The following PTGES2 variants were observed in gnomAD, a reference collection of about 807,000 sequenced individuals.
PTGES2 encodes the protein GATE-binding factor 1.
A neutral mutation model predicts 44.5 loss-of-function variants in PTGES2; 35 were observed. That is an observed-to-expected ratio of 0.79 (90% confidence interval 0.60 to 1.04). The LOEUF (loss-of-function observed/expected upper bound fraction) is 1.04, where lower values mean the gene tolerates loss of function less well. Ranked by LOEUF, PTGES2 falls within the 50% of genes least tolerant of loss-of-function variation. The pLI is 0.00. For synonymous variants in PTGES2, 221 were observed against 227.5 expected, an observed-to-expected ratio of 0.97 and a Z score of 0.26; for missense variants, 517 against 521.4, an observed-to-expected ratio of 0.99 and a Z score of 0.08.
At chr9:128,124,764 C>A in intron 2 of PTGES2, 1 of 1,337,304 alleles carries the variant, frequency 7.5e-7, no homozygotes, top group Non-Finnish European at 9.6e-7. Context: ...GGGGTCTAAG[C>A]CCCAGCCCAC....
chr9:128,121,384 C>T (rs533441336), intron 6 of PTGES2, 111 bp from the exon 7 acceptor site: 19 of 1,384,646 alleles, frequency 1.4e-5, no homozygotes, highest in African/African-American at 4.3e-5. Flanking sequence ...CCTTGGAGCT[C>T]GTGACCCACT....
chr9:128,122,830 G>A, intron 5 of PTGES2, 104 bp downstream of exon 5: 1 of 1,247,658 alleles, frequency 8.0e-7, no homozygotes, highest in South Asian at 1.3e-5. Flanking sequence ...CCTGCCCTAG[G>A]CCTCGGCCTC....
Position 128,121,158 on chromosome 9 carries a change from G to T in PTGES2, c.1121C>A (p.Ser374Tyr). Reference sequence around the variant, plus strand: ...GCGCGGGGACATTCAGTGCGCTGGGGAGGCCTCGGTGATGGCCCTCTCCAC... The same window carrying T: ...GCGCGGGGACATTCAGTGCGCTGGGTAGGCCTCGGTGATGGCCCTCTCCAC... Reference protein sequence around the residue: ...LRVERAITEASPAH With the variant: ...LRVERAITEAYPAH The change falls in exon 7 of 7, where the codon TCC (serine) becomes TAC (tyrosine). Residue 374 changes from serine to tyrosine, a missense_variant. Coordinates refer to ENST00000338961, the MANE Select transcript of PTGES2 (RefSeq NM_025072.7). The T allele has an allele frequency of 3.1e-6, 5 of 1,588,336 alleles. No individual in the cohort carries two copies. Among genetic ancestry groups the T allele is most frequent in the Non-Finnish European group, 4.3e-6 (5 of 1,167,630 alleles).
chr9:128,123,790 T>C lies in PTGES2; in HGVS notation c.598A>G (p.Lys200Glu), dbSNP rs1184416124. ...TTATTGCCGAACTCGGTCACCTCCT[T>C]GCCCTGCTCGTTCACAGCCTTCATG... ...PAMKAVNEQGKEVTEFGNKYW... is the reference protein window; with the variant it reads ...PAMKAVNEQGEEVTEFGNKYW... The change falls in exon 4 of 7, where the codon AAG becomes GAG. Residue 200 changes from lysine to glutamate, a missense_variant. Coordinates refer to ENST00000338961, the MANE Select transcript of PTGES2 (RefSeq NM_025072.7). The surrounding 1 kb of genome is among the most constrained non-coding windows in gnomAD (Gnocchi z 4.4). 4 of 1,614,162 alleles carry C rather than the reference T, an allele frequency of 2.5e-6. No individual in the cohort carries two copies. The highest frequency in any genetic ancestry group is 2.2e-5 in the East Asian group (1 of 44,864).
Position 128,124,515 on chromosome 9 carries a change from G to A in PTGES2, c.513C>T (p.Ala171=), listed in dbSNP as rs142864377. 5 of 1,613,848 alleles carry A rather than the reference G, an allele frequency of 3.1e-6. No homozygotes were observed. The highest frequency in any genetic ancestry group is 1.7e-5 in the Admixed American group (1 of 60,012). ...QLNDSSVIIS[A]LKTYLVSGQP... ...ACCCCGACACCAGGTAGGTCTTGAG[G>A]GCGCTGATGATGACAGAGGAGTCAT... is the stretch of plus-strand genomic sequence containing the variant. The change falls in exon 3 of 7, where the codon GCC becomes GCT. Residue 171 remains alanine, a synonymous_variant. Transcript: ENST00000338961.
At chr9:128,122,086 G>C (rs1449029067) in intron 6 of PTGES2, among the ~76,000 whole-genome samples, 1 of 152,186 alleles carries the variant, frequency 6.6e-6, no homozygotes, top group Non-Finnish European at 1.5e-5. Context: ...GCGACAGGTA[G>C]AGCTTGGGCT....
At position 128,123,858 on chromosome 9, in the gene PTGES2, A is replaced by C. The variant is rs1194918948; in HGVS notation, c.537-7T>G. ...GATCTCTTCCAGGGGCTGCCTTCGG[A>C]GAGAGCCACAATATCACCCCAACTC... On this transcript the variant is annotated splice_region_variant and splice_polypyrimidine_tract_variant and intron_variant, in intron 3 of 6. Transcript: ENST00000338961. The surrounding 1 kb of genome is among the most constrained non-coding windows in gnomAD (Gnocchi z 4.4). 1 of 1,611,856 alleles carries C rather than the reference A, an allele frequency of 6.2e-7. No individual in the cohort carries two copies. Among genetic ancestry groups the C allele is most frequent in the Admixed American group, 1.7e-5 (1 of 59,950 alleles).
chr9:128,121,291 A>T lies in PTGES2; in HGVS notation c.1006-18T>A. ...TACACCGCCTGGGGCACGAACAGAA[A>T]CGTGTCACCATAGCTGGTTTGACAG... On this transcript the variant is annotated intron_variant, in intron 6 of 6. Transcript: ENST00000338961. The T allele has an allele frequency of 1.2e-6, 2 of 1,600,234 alleles. No individual in the cohort carries two copies. The highest frequency in any genetic ancestry group is 1.7e-6 in the Non-Finnish European group (2 of 1,170,242).
At chr9:128,122,611 A>G in intron 5 of PTGES2, 132 bp from the exon 6 acceptor site, 1 of 741,116 alleles carries the variant, frequency 1.3e-6, no homozygotes, top group Middle Eastern at 2.9e-4. Flanking sequence ...TCACATCTGC[A>G]GACGCCTCAG....
chr9:128,128,367 C>T (rs1358818664), upstream of PTGES2: 1 of 456,244 alleles, frequency 2.2e-6, no homozygotes, highest in African/African-American at 2.0e-5. Context: ...CTCGGTCCTT[C>T]TGCTGGGCTC....
rs1037608160 is a variant in PTGES2 at position 128,124,232 on chromosome 9, C to A, written c.536+260G>T. 5.1e-5 allele frequency: 20 copies of A among 390,488 alleles called. 1 individual carries two copies. The highest frequency in any genetic ancestry group is 8.6e-5 in the Non-Finnish European group (18 of 208,752). 24.2% of individuals were successfully genotyped at this position (390,488 alleles called of 1,614,324 possible). ...CTGAGTAGCTGGGACTACAGGCACT[C>A]GCCACTATGCCTGGCTAATTTTTGT... is the stretch of plus-strand genomic sequence containing the variant. On this transcript the variant is annotated intron_variant, in intron 3 of 6. Coordinates refer to ENST00000338961, the MANE Select transcript of PTGES2 (RefSeq NM_025072.7).
chr9:128,123,569 C>T lies in PTGES2; in HGVS notation c.686+133G>A, dbSNP rs959183052. The T allele has an allele frequency of 3.0e-5, 28 of 938,392 alleles. No homozygotes were observed. Among genetic ancestry groups the T allele is most frequent in the South Asian group, 2.4e-4 (14 of 58,554 alleles). The allele number at this position is 938,392 out of a possible 1,614,324, so 58.1% of individuals were successfully genotyped here. On this transcript the variant is annotated intron_variant, in intron 4 of 6. Transcript: ENST00000338961. The surrounding 1 kb of genome is among the most constrained non-coding windows in gnomAD (Gnocchi z 4.4). Reference sequence around the variant, plus strand: ...CTGCAGGAAGGTCTCTACTGAAATCCGGCATGGCCCGGCCCCAGCCCCGCT... The same window carrying T: ...CTGCAGGAAGGTCTCTACTGAAATCTGGCATGGCCCGGCCCCAGCCCCGCT...
rs1357836994 is a variant in PTGES2, at chr9:128,124,003, C to T, written c.537-152G>A. 15 of 847,170 alleles carry T rather than the reference C, an allele frequency of 1.8e-5. No individual in the cohort carries two copies. In the Admixed American group the frequency reaches 2.9e-4, roughly 16 times the overall value. The allele number at this position is 847,170 out of a possible 1,614,324, so 52.5% of individuals were successfully genotyped here. A position where few individuals can be genotyped will look rare whatever the true frequency, so the allele number is the denominator to read the frequency against. ...GAGGGATTTGGAGTAGATGCCAGGG[C>T]TACCTCCCCAAGAGAGGGAGGTGTG... is the stretch of plus-strand genomic sequence containing the variant. On this transcript the variant is annotated intron_variant, in intron 3 of 6. Coordinates refer to ENST00000338961, the MANE Select transcript of PTGES2 (RefSeq NM_025072.7).
chr9:128,127,728 C>A lies in PTGES2; in HGVS notation c.-11G>T. ...CGCAGCCGGGTCCATGTTCGCTCCG[C>A]CGGCGCCGCGGGCGGGCGCGCGAAA... On this transcript the variant is annotated 5_prime_UTR_variant, in exon 1 of 7. Coordinates refer to ENST00000338961, the MANE Select transcript of PTGES2 (RefSeq NM_025072.7). The A allele has an allele frequency of 8.0e-7, 1 of 1,255,640 alleles. No homozygotes were observed. The highest frequency in any genetic ancestry group is 1.0e-6 in the Non-Finnish European group (1 of 1,000,860). The allele number at this position is 1,255,640 out of a possible 1,614,324, so 77.8% of individuals were successfully genotyped here.
chr9:128,122,337 C>A, intron 6 of PTGES2, 25 bp downstream of exon 6: 3 of 1,580,382 alleles, frequency 1.9e-6, no homozygotes, highest in South Asian at 1.1e-5. Context: ...TCGGTCCAGG[C>A]ACCACCTGCC....
chr9:128,125,912 G>T (rs1259128005), intron 1 of PTGES2, among the ~76,000 whole-genome samples: 1 of 152,142 alleles, frequency 6.6e-6, no homozygotes, highest in Non-Finnish European at 1.5e-5. Flanking sequence ...TCTCTTTCTT[G>T]TTTTTTTCTC....
upstream of PTGES2, chr9:128,128,234 A>C (rs1834729904): frequency 9.0e-6 from 4 of 446,264 alleles, no homozygotes; most frequent in Non-Finnish European, 1.8e-5. Flanking sequence ...CCGAACCATA[A>C]AATTTTCCCG....
At chr9:128,124,699 C>T in intron 2 of PTGES2, 149 bp from the exon 3 acceptor site, 1 of 1,305,108 alleles carries the variant, frequency 7.7e-7, no homozygotes, top group South Asian at 1.5e-5. Flanking sequence ...GGGCACCCAT[C>T]CTAAGTAGGG....
chr9:128,127,941 T>C (rs1306531541), upstream of PTGES2: 4 of 426,020 alleles, frequency 9.4e-6, no homozygotes, highest in South Asian at 5.8e-5. Context: ...GACCGTTCCA[T>C]GCTTCCGCCT....
Sources: gnomAD v4.1 joint callset for allele counts (sites outside exome capture counted in the v4.1 genomes callset) on GRCh38, gnomAD v4.1.1 for gene constraint, Gnocchi (gnomAD v3.1) non-coding constraint, MANE v1.5 for transcripts, NCBI Gene and HGNC (gene_info 2026-07-23, HGNC 2026-07-21) for gene names.